Variants in KCNIP1 observed in about 807,000 individuals in gnomAD.
KCNIP1 encodes the protein A-type potassium channel modulatory protein KCNIP1.
A neutral mutation model predicts 33.0 loss-of-function variants in KCNIP1; 18 were observed. The ratio of observed to expected loss-of-function variants is 0.55; its 90% CI spans 0.38 to 0.81. KCNIP1 has a LOEUF of 0.81. Among genes scored for constraint, KCNIP1 ranks in the 30% least tolerant of loss-of-function variants. The pLI is 0.00. For synonymous variants in KCNIP1, 93 were observed against 98.3 expected (o/e 0.95, Z 0.32); for missense variants, 238 against 271.6 (o/e 0.88, Z 0.87).
rs1013832377 is a variant in KCNIP1 at position 170,363,292 on chromosome 5, T to C, written c.88+9328T>C. ...ACCGTCACTTCTGTCACAGACTGAA[T>C]TGTGTCCCCTTAAATGTGTATGTCA... On this transcript the variant is annotated intron_variant, in intron 1 of 7. Transcript: ENST00000377360. Among the ~76,000 whole-genome samples, 7 of 152,212 alleles carry C rather than the reference T, an allele frequency of 4.6e-5. No individual in the cohort carries two copies. In the South Asian group the frequency reaches 1.4e-3, roughly 32 times the overall value.
At chr5:170,647,047 A>G (rs1409218548) in intron 1 of KCNIP1, among the ~76,000 whole-genome samples, 11 of 152,158 alleles carry the variant, frequency 7.2e-5, no homozygotes, top group Admixed American at 7.2e-4. Context: ...GTATAAATCA[A>G]ATAACATATG....
At chr5:170,665,332 A>G (rs1001055376) in intron 1 of KCNIP1, among the ~76,000 whole-genome samples, 3 of 149,738 alleles carry the variant, frequency 2.0e-5, no homozygotes, top group African/African-American at 7.4e-5. Flanking sequence ...AGAAATCTGG[A>G]TTTTTTTTTT....
intron 2 of KCNIP1, among the ~76,000 whole-genome samples, chr5:170,719,258 T>C (rs973730033): frequency 2.0e-5 from 3 of 150,472 alleles, no homozygotes; most frequent in Non-Finnish European, 4.4e-5. Context: ...CCGAGACTGA[T>C]GTGTAAGCCG....
chr5:170,391,104 G>A (rs1754578372), intron 1 of KCNIP1, among the ~76,000 whole-genome samples: 1 of 152,172 alleles, frequency 6.6e-6, no homozygotes, highest in Non-Finnish European at 1.5e-5. Flanking sequence ...TTGACAGAGG[G>A]ATGTAGGATC....
chr5:170,535,500 T>G (rs1755951611), intron 1 of KCNIP1, among the ~76,000 whole-genome samples: 1 of 152,086 alleles, frequency 6.6e-6, no homozygotes, highest in Admixed American at 6.5e-5. Flanking sequence ...GAGCTCCCAC[T>G]TCTGCTGATG....
intron 1 of KCNIP1, among the ~76,000 whole-genome samples, chr5:170,583,974 A>C (rs1757892745): frequency 6.6e-6 from 1 of 152,218 alleles, no homozygotes; most frequent in African/African-American, 2.4e-5. Flanking sequence ...ATGGATGCTC[A>C]GAATGGACAT....
In KCNIP1 at chr5:170,681,918, C is replaced by T. The variant is rs572665862; in HGVS notation, c.62-36840C>T. Among the ~76,000 whole-genome samples, 18 of 152,310 alleles carry T rather than the reference C, an allele frequency of 1.2e-4. No individual in the cohort carries two copies. The East Asian group carries it at 3.3e-3, about 28-fold the overall frequency. ...GATTTTTGTCACTTAAAATTAGGCT[C>T]CAGGAAAGATTCCAAATTTCATGAG... On this transcript the variant is annotated intron_variant, in intron 1 of 7. Coordinates refer to ENST00000328939, the MANE Select transcript of KCNIP1 (RefSeq NM_014592.4).
At position 170,691,516 on chromosome 5, in the gene KCNIP1, A is replaced by G. The variant is rs550570961; in HGVS notation, c.62-27242A>G. On this transcript the variant is annotated intron_variant, in intron 1 of 7. Transcript: ENST00000328939. ...AGTTTCCTCATCTATAAAGTGGGGT[A>G]ATATAACCCACCTTGCAGGATACTG... is the stretch of plus-strand genomic sequence containing the variant. 3.3e-5 allele frequency among the ~76,000 whole-genome samples: 5 copies of G among 152,324 alleles called. No homozygotes were observed. In the South Asian group the frequency reaches 1.0e-3, roughly 32 times the overall value.
At chr5:170,560,974 C>T in intron 1 of KCNIP1, 1 of 382,690 alleles carries the variant, frequency 2.6e-6, no homozygotes, top group Non-Finnish European at 5.2e-6. Flanking sequence ...AAGGAGTCCC[C>T]TCTGGGGCCC....
chr5:170,430,572 T>C (rs1269501544), intron 1 of KCNIP1, among the ~76,000 whole-genome samples: 2 of 152,178 alleles, frequency 1.3e-5, no homozygotes, highest in Admixed American at 6.5e-5. Flanking sequence ...GTGTAGCACT[T>C]AACATTGCTT....
intron 1 of KCNIP1, among the ~76,000 whole-genome samples, chr5:170,419,135 G>C (rs1268237468): frequency 6.6e-6 from 1 of 152,204 alleles, no homozygotes; most frequent in Non-Finnish European, 1.5e-5. Flanking sequence ...TGGAAGAAGT[G>C]AGCTGAGATA....
chr5:170,614,272 ACAGT>A (rs1387596663), intron 1 of KCNIP1, among the ~76,000 whole-genome samples: 1 of 152,198 alleles, frequency 6.6e-6, no homozygotes, highest in Non-Finnish European at 1.5e-5. Context: ...TGCTGTAAAC[ACAGT>A]CAGCCCATTC....
At chr5:170,491,003 G>T (rs1757193261) in intron 1 of KCNIP1, among the ~76,000 whole-genome samples, 1 of 152,200 alleles carries the variant, frequency 6.6e-6, no homozygotes, top group African/African-American at 2.4e-5. Flanking sequence ...CCCTAATACA[G>T]TTGGCCCTTC....
chr5:170,615,633 G>A (rs1484922762), intron 1 of KCNIP1, among the ~76,000 whole-genome samples: 2 of 152,140 alleles, frequency 1.3e-5, no homozygotes, highest in Admixed American at 1.3e-4. Context: ...AGACTCCCTG[G>A]CACCTGGTAC....
chr5:170,704,013 T>C (rs1763180503), intron 1 of KCNIP1, among the ~76,000 whole-genome samples: 1 of 137,898 alleles, frequency 7.3e-6, no homozygotes, highest in Non-Finnish European at 1.5e-5. Flanking sequence ...CTAGAGATAA[T>C]AAGTGCTTTG....
chr5:170,526,531 A>T (rs1013057706), intron 1 of KCNIP1, among the ~76,000 whole-genome samples: 2 of 152,126 alleles, frequency 1.3e-5, no homozygotes, highest in African/African-American at 4.8e-5. Context: ...TTAATTGAAG[A>T]CCTATCCTTC....
chr5:170,588,671 TAA>T lies in KCNIP1; in HGVS notation c.61+84039_61+84040del, dbSNP rs556149482. On this transcript the variant is annotated intron_variant, in intron 1 of 7. Coordinates refer to ENST00000328939, the MANE Select transcript of KCNIP1 (RefSeq NM_014592.4). ...AGCAGCTCCCCCAGGGAAGAAAATA[TAA>T]GATATTCCCAAGGGACCCTGGAAGC... is the stretch of plus-strand genomic sequence containing the variant. Among the ~76,000 whole-genome samples the T allele has an allele frequency of 2.4e-4, 36 of 152,248 alleles. No homozygotes were observed. The South Asian group carries it at 7.0e-3, about 30-fold the overall frequency.
intron 1 of KCNIP1, among the ~76,000 whole-genome samples, chr5:170,428,678 A>G (rs550675423): frequency 3.5e-4 from 53 of 152,102 alleles, no homozygotes; most frequent in Non-Finnish European, 6.8e-4. Context: ...GAAACCACCT[A>G]CACTAAAGCC....
chr5:170,584,800 C>T (rs780766312), intron 1 of KCNIP1, among the ~76,000 whole-genome samples: 8 of 152,030 alleles, frequency 5.3e-5, no homozygotes, highest in Non-Finnish European at 8.8e-5. Context: ...TAGAGGAATC[C>T]GTGTGCTTTA....
Sources: allele counts gnomAD v4.1 joint callset (sites outside exome capture counted in the v4.1 genomes callset), GRCh38; gene constraint gnomAD v4.1.1; transcripts MANE v1.5; gene names NCBI Gene and HGNC (gene_info 2026-07-23, HGNC 2026-07-21).